The following TECPR1 variants were observed in gnomAD, a reference collection of about 807,000 sequenced individuals.
TECPR1 encodes tectonin beta-propeller repeat-containing protein 1.
TECPR1 carries 122 observed loss-of-function variants against 162.4 expected under a neutral mutation model. The ratio of observed to expected loss-of-function variants is 0.75; its 90% CI spans 0.65 to 0.87. The LOEUF (loss-of-function observed/expected upper bound fraction) is 0.87, where lower values mean the gene tolerates loss of function less well. TECPR1 is among the 40% of genes least tolerant of loss of function. The pLI, the probability that TECPR1 is intolerant of heterozygous loss-of-function variation, is 0.00. For missense variants in TECPR1, 1,432 were observed against 1,618.2 expected (o/e 0.88, Z 1.97); for synonymous variants, 642 against 670.6 (o/e 0.96, Z 0.66).
In TECPR1 at chr7:98,222,971, G is replaced by A. The variant is rs1426292449; in HGVS notation, c.2928+19C>T. On this transcript the variant is annotated intron_variant, in intron 21 of 25. Coordinates refer to ENST00000447648, the MANE Select transcript of TECPR1 (RefSeq NM_015395.3). ...AAAGGTCTCATTTCAAGAAGAATCT[G>A]TCTGGCCCCGGCACTCACCGCAGGG... 6.2e-7 allele frequency: 1 copy of A among 1,610,018 alleles called. No individual in the cohort carries two copies. Among genetic ancestry groups the A allele is most frequent in the South Asian group, 1.1e-5 (1 of 90,586 alleles).
chr7:98,222,499 C>T lies in TECPR1; in HGVS notation c.2951G>A (p.Gly984Asp). 6.3e-7 allele frequency: 1 copy of T among 1,588,484 alleles called. No homozygotes were observed. The highest frequency in any genetic ancestry group is 1.1e-5 in the South Asian group (1 of 87,098). The change falls in exon 22 of 26, where the codon GGC (glycine) becomes GAC (aspartate). Residue 984 changes from glycine to aspartate, a missense_variant. Physicochemically the swap from Gly to Asp is moderately conservative, Grantham distance 94. Transcript: ENST00000447648. ...NPAGSSWLHV[G>D]TDQPFASISI... Reference sequence around the variant, plus strand: ...GATGGAGGCGAAGGGCTGGTCGGTGCCAACGTGCAGCCAGGAGGAGCCCTG... The same window carrying T: ...GATGGAGGCGAAGGGCTGGTCGGTGTCAACGTGCAGCCAGGAGGAGCCCTG...
At chr7:98,240,454 T>C (rs568820106) in intron 8 of TECPR1, among the ~76,000 whole-genome samples, 1 of 152,214 alleles carries the variant, frequency 6.6e-6, no homozygotes, top group Admixed American at 6.5e-5. Context: ...GGAGTCTTTC[T>C]CGTTGCCCAG....
chr7:98,222,239 C>T lies in TECPR1; in HGVS notation c.3064+147G>A, dbSNP rs562216147. 3 of 1,226,536 alleles carry T rather than the reference C, an allele frequency of 2.4e-6. No homozygotes were observed. The Admixed American group carries it at 8.1e-5, about 33-fold the overall frequency. The allele number at this position is 1,226,536 out of a possible 1,614,324, so 76.0% of individuals were successfully genotyped here. A position where few individuals can be genotyped will look rare whatever the true frequency, so the allele number is the denominator to read the frequency against. ...GCTGCCCCATTACCAGGGTGACCAC[C>T]TCCCAGTCAGTCCCAGTGGGAGGGG... is the stretch of plus-strand genomic sequence containing the variant. On this transcript the variant is annotated intron_variant, in intron 22 of 25. Coordinates refer to ENST00000447648, the MANE Select transcript of TECPR1 (RefSeq NM_015395.3).
At position 98,241,280 on chromosome 7, in the gene TECPR1, A is replaced by T. The variant is rs1299186614; in HGVS notation, c.658-36T>A. 2 of 1,607,148 alleles carry T rather than the reference A, an allele frequency of 1.2e-6. No homozygotes were observed. Among genetic ancestry groups the T allele is most frequent in the East Asian group, 4.5e-5 (2 of 44,666 alleles). The stretch of plus-strand genomic sequence containing the variant: ...AGACAGGGACACAGCACCTGCATCA[A>T]CTCATTCACACCAGCCAAGCACGGG... On this transcript the variant is annotated intron_variant, in intron 6 of 25. Coordinates refer to ENST00000447648, the MANE Select transcript of TECPR1 (RefSeq NM_015395.3). The surrounding 1 kb of genome is among the most constrained non-coding windows in gnomAD (Gnocchi z 5.0).
At chr7:98,246,635 G>A (rs1055131076) in intron 2 of TECPR1, among the ~76,000 whole-genome samples, 1 of 151,724 alleles carries the variant, frequency 6.6e-6, no homozygotes, top group African/African-American at 2.4e-5. Flanking sequence ...AGGCTGGAGT[G>A]CAATGGCACG....
intron 17 of TECPR1, among the ~76,000 whole-genome samples, chr7:98,227,082 G>T (rs1798295155): frequency 6.6e-6 from 1 of 151,918 alleles, no homozygotes; most frequent in African/African-American, 2.4e-5. Flanking sequence ...TCTAATAAAA[G>T]ATGTCAAAGC....
At chr7:98,235,559 G>T (rs1444328903) in intron 10 of TECPR1, among the ~76,000 whole-genome samples, 1 of 150,984 alleles carries the variant, frequency 6.6e-6, no homozygotes, top group Non-Finnish European at 1.5e-5. Context: ...AGCTGGCGGG[G>T]TGTGGTGGCT....
At chr7:98,235,849 A>AAAAAAAAAAAAAAAACAAC in intron 10 of TECPR1, among the ~76,000 whole-genome samples, 6 of 110,330 alleles carry the variant, frequency 5.4e-5, no homozygotes, top group Middle Eastern at 6.6e-3. Context: ...AAAAAAAAAA[A>AAAAAAAAAAAAAAAACAAC]AACACCATCT....
Position 98,233,685 on chromosome 7 carries a change from C to G in TECPR1, c.1408G>C (p.Ala470Pro), listed in dbSNP as rs762960706. 6.2e-7 allele frequency: 1 copy of G among 1,607,968 alleles called. No individual in the cohort carries two copies. ...DACPAEGSREARPNTHPGPAP... is the reference protein window; with the variant it reads ...DACPAEGSREPRPNTHPGPAP... ...GGGCCGGGGTGCGTGTTGGGTCTGG[C>G]CTCCCTGCTGCCCTCGGCTGGGCAG... is the stretch of plus-strand genomic sequence containing the variant. The change falls in exon 11 of 26, where the codon GCC becomes CCC. Residue 470 changes from alanine to proline, a missense_variant. By Grantham distance (27) the Ala-to-Pro change is conservative. Coordinates refer to ENST00000447648, the MANE Select transcript of TECPR1 (RefSeq NM_015395.3).
intron 10 of TECPR1, among the ~76,000 whole-genome samples, chr7:98,235,490 A>C (rs1287880302): frequency 6.5e-5 from 9 of 138,236 alleles, no homozygotes; most frequent in Non-Finnish European, 1.1e-4. Flanking sequence ...GCGCCGTGGC[A>C]CTCCAGCCTG....
chr7:98,242,878 A>G (rs1243217004), intron 6 of TECPR1, among the ~76,000 whole-genome samples: 20 of 94,146 alleles, frequency 2.1e-4, no homozygotes, highest in African/African-American at 6.1e-4. Context: ...CCACCTATCC[A>G]TCTACCCATA....
At position 98,232,487 on chromosome 7, in the gene TECPR1, C is replaced by T. The variant is rs564766942; in HGVS notation, c.1818+340G>A. Among the ~76,000 whole-genome samples the T allele has an allele frequency of 6.6e-6, 1 of 151,886 alleles. No homozygotes were observed. The highest frequency in any genetic ancestry group is 2.0e-4 in the East Asian group (1 of 5,068). On this transcript the variant is annotated intron_variant, in intron 12 of 25. Transcript: ENST00000447648. The surrounding 1 kb of genome is among the most constrained non-coding windows in gnomAD (Gnocchi z 4.6). Reference sequence around the variant, plus strand: ...TCTGTGCTAACTCCTTGCAATCACACGCTACACCCCTGGGCGCCCGGGGTT... The same window carrying T: ...TCTGTGCTAACTCCTTGCAATCACATGCTACACCCCTGGGCGCCCGGGGTT...
At chr7:98,220,538 T>A (rs1047819815) in intron 23 of TECPR1, among the ~76,000 whole-genome samples, 1 of 143,266 alleles carries the variant, frequency 7.0e-6, no homozygotes, top group Admixed American at 6.9e-5. Context: ...GTAGCTGGGA[T>A]TATAGGTGCG....
chr7:98,221,423 C>G (rs961626457), intron 23 of TECPR1, among the ~76,000 whole-genome samples: 3 of 151,856 alleles, frequency 2.0e-5, no homozygotes, highest in East Asian at 1.9e-4. Flanking sequence ...ATGCCTGTAT[C>G]AAAACATCTC....
At position 98,232,742 on chromosome 7, in the gene TECPR1, T is replaced by C; in HGVS notation, c.1818+85A>G. The C allele has an allele frequency of 7.0e-7, 1 of 1,438,490 alleles. No homozygotes were observed. Among genetic ancestry groups the C allele is most frequent in the South Asian group, 1.5e-5 (1 of 68,530 alleles). 89.1% of individuals were successfully genotyped at this position (1,438,490 alleles called of 1,614,324 possible). ...GGGGATGGAGGCATCTATCTGTTTC[T>C]CTCAGAGCTGGTACACAGCAGGCGC... On this transcript the variant is annotated intron_variant, in intron 12 of 25. Transcript: ENST00000447648. The surrounding 1 kb of genome is among the most constrained non-coding windows in gnomAD (Gnocchi z 4.6).
At chr7:98,231,776 C>A in intron 13 of TECPR1, 28 bp downstream of exon 13, 1 of 1,602,890 alleles carries the variant, frequency 6.2e-7, no homozygotes, top group Non-Finnish European at 8.5e-7. Flanking sequence ...CCCTCCCTGG[C>A]CCCATCTCCT....
intron 8 of TECPR1, among the ~76,000 whole-genome samples, chr7:98,240,314 C>G (rs551834170): frequency 4.8e-4 from 73 of 152,190 alleles, no homozygotes; most frequent in African/African-American, 1.7e-3. Context: ...CATTTGGGTA[C>G]CAGCGTGTGG....
In TECPR1 at chr7:98,246,115, A is replaced by G. The variant is rs1441146986; in HGVS notation, c.32T>C (p.Leu11Pro). MPNSVLWAVD[L>P]FGRVYTLSTA... The stretch of plus-strand genomic sequence containing the variant: ...GGACAGCGTGTACACTCTCCCGAAG[A>G]GGTCCACCGCCCACAGCACTGAGTT... The change falls in exon 3 of 26, where the codon CTC becomes CCC. Residue 11 changes from leucine to proline, a missense_variant. By Grantham distance (98) the Leu-to-Pro change is moderately conservative (BLOSUM62 -3). Coordinates refer to ENST00000447648, the MANE Select transcript of TECPR1 (RefSeq NM_015395.3). 16 of 1,552,720 alleles carry G rather than the reference A, an allele frequency of 1.0e-5. No individual in the cohort carries two copies. The South Asian group carries it at 1.9e-4, about 18-fold the overall frequency.
intron 3 of TECPR1, among the ~76,000 whole-genome samples, chr7:98,245,661 G>A (rs1253365478): frequency 1.3e-5 from 2 of 152,020 alleles, no homozygotes; most frequent in African/African-American, 4.8e-5. Context: ...TTTTGTAGAG[G>A]CAGAGATTCA....
Sources: gnomAD v4.1 joint callset for allele counts (sites outside exome capture counted in the v4.1 genomes callset) on GRCh38, gnomAD v4.1.1 for gene constraint, Gnocchi (gnomAD v3.1) non-coding constraint, MANE v1.5 for transcripts, NCBI Gene and HGNC (gene_info 2026-07-23, HGNC 2026-07-21) for gene names.